GUCY1A1: variants seen among roughly 807,000 people sequenced by gnomAD.
GUCY1A1 encodes guanylate cyclase soluble subunit alpha-1.
A neutral mutation model predicts 64.5 loss-of-function variants in GUCY1A1; 48 were observed. The ratio of observed to expected loss-of-function variants is 0.74; its 90% CI spans 0.59 to 0.95. The LOEUF (loss-of-function observed/expected upper bound fraction) is 0.95, where lower values mean the gene tolerates loss of function less well. GUCY1A1 is among the 40% of genes least tolerant of loss of function. The pLI is 0.00. For missense variants in GUCY1A1, 804 were observed against 825.3 expected, an observed-to-expected ratio of 0.97 and a Z score of 0.32; for synonymous variants, 308 against 303.4, an observed-to-expected ratio of 1.02 and a Z score of -0.16.
At chr4:155,720,431 T>C (rs1056052276) in intron 8 of GUCY1A1, among the ~76,000 whole-genome samples, 4 of 152,070 alleles carry the variant, frequency 2.6e-5, no homozygotes, top group African/African-American at 9.7e-5. Flanking sequence ...AAGCCAGATA[T>C]ATAACAGACA....
At chr4:155,709,726 C>G (rs1248872674) in intron 5 of GUCY1A1, among the ~76,000 whole-genome samples, 3 of 151,974 alleles carry the variant, frequency 2.0e-5, no homozygotes, top group Non-Finnish European at 2.9e-5. Flanking sequence ...CCCAGCTACT[C>G]TGGAGGTGAG....
intron 2 of GUCY1A1, among the ~76,000 whole-genome samples, chr4:155,695,029 T>A (rs1227361377): frequency 6.6e-6 from 1 of 152,236 alleles, no homozygotes; most frequent in Non-Finnish European, 1.5e-5. Flanking sequence ...GAACAAATTT[T>A]CTACTCATAA....
intron 2 of GUCY1A1, among the ~76,000 whole-genome samples, chr4:155,689,632 C>T (rs1729474480): frequency 1.3e-5 from 2 of 152,126 alleles, no homozygotes; most frequent in South Asian, 2.1e-4. Context: ...CTGAATTTTG[C>T]TATTATTTCA....
Position 155,732,894 on chromosome 4 carries a change from T to A in GUCY1A1, c.*2663T>A, listed in dbSNP as rs1455073078. ...TGTGTCGAGTACACTATATAAATTA[T>A]CTCCTTATACATATTTCTCAGGCAA... On this transcript the variant is annotated 3_prime_UTR_variant, in exon 10 of 10. Coordinates refer to ENST00000506455, the MANE Select transcript of GUCY1A1 (RefSeq NM_001130682.3). Among the ~76,000 whole-genome samples, 1 of 151,840 alleles carries A rather than the reference T, an allele frequency of 6.6e-6. No individual in the cohort carries two copies. Among genetic ancestry groups the A allele is most frequent in the Non-Finnish European group, 1.5e-5 (1 of 67,872 alleles).
chr4:155,690,606 C>T (rs1289423964), intron 2 of GUCY1A1, among the ~76,000 whole-genome samples: 8 of 152,158 alleles, frequency 5.3e-5, no homozygotes, highest in Non-Finnish European at 1.0e-4. Flanking sequence ...TCATTCATGC[C>T]TTTGCTACAC....
At chr4:155,711,911 T>C (rs1034347744) in intron 6 of GUCY1A1, among the ~76,000 whole-genome samples, 1 of 152,186 alleles carries the variant, frequency 6.6e-6, no homozygotes, top group African/African-American at 2.4e-5. Flanking sequence ...TAATAAAATA[T>C]ATTGAGATGT....
intron 9 of GUCY1A1, among the ~76,000 whole-genome samples, chr4:155,726,743 G>A: frequency 6.6e-6 from 1 of 151,914 alleles, no homozygotes; most frequent in Non-Finnish European, 1.5e-5. Context: ...AACATTGTCA[G>A]GAGTTTTACT....
At chr4:155,683,575 A>T (rs1443589931) in intron 2 of GUCY1A1, among the ~76,000 whole-genome samples, 1 of 152,208 alleles carries the variant, frequency 6.6e-6, no homozygotes, top group Non-Finnish European at 1.5e-5. Flanking sequence ...GATAATGAGG[A>T]AAGTTATTTA....
At chr4:155,703,180 A>G (rs1052077127) in intron 3 of GUCY1A1, among the ~76,000 whole-genome samples, 3 of 152,198 alleles carry the variant, frequency 2.0e-5, no homozygotes. Context: ...AAAAGCTTAC[A>G]TACAAATGTC....
chr4:155,734,061 A>T lies in GUCY1A1; in HGVS notation c.*3830A>T, dbSNP rs141506286. 1.7e-3 allele frequency among the ~76,000 whole-genome samples: 258 copies of T among 151,988 alleles called. 5 individuals carry two copies. In the East Asian group the frequency reaches 0.043, roughly 25 times the overall value. ...GCATTTTGACTAACATTTCTTCCAA[A>T]TTTCTTCTCCCTGATATTTCCAGCC... On this transcript the variant is annotated 3_prime_UTR_variant, in exon 10 of 10. Transcript: ENST00000506455.
intron 2 of GUCY1A1, among the ~76,000 whole-genome samples, chr4:155,688,153 G>A (rs757223299): frequency 7.0e-4 from 106 of 151,978 alleles, no homozygotes; most frequent in South Asian, 2.5e-3. Context: ...GCGTGAACCC[G>A]GGAGGTGGAG....
rs1735390900 is a variant in GUCY1A1 at position 155,730,314 on chromosome 4, A to G, written c.*83A>G. 2 of 787,836 alleles carry G rather than the reference A, an allele frequency of 2.5e-6. No individual in the cohort carries two copies. Among genetic ancestry groups the G allele is most frequent in the Non-Finnish European group, 4.2e-6 (2 of 471,816 alleles). The allele number at this position is 787,836 out of a possible 1,614,324, so 48.8% of individuals were successfully genotyped here. The stretch of plus-strand genomic sequence containing the variant: ...CCTCTGAAAGCACTTTAGGGATTGT[A>G]GATGGCTAACAAGCAGTATTAAAAT... On this transcript the variant is annotated 3_prime_UTR_variant, in exon 10 of 10. Transcript: ENST00000506455.
chr4:155,701,160 T>C (rs1471699853), intron 3 of GUCY1A1, among the ~76,000 whole-genome samples: 2 of 152,146 alleles, frequency 1.3e-5, no homozygotes, highest in Admixed American at 1.3e-4. Flanking sequence ...AACATGTGAG[T>C]TCTGTCTCTT....
intron 2 of GUCY1A1, among the ~76,000 whole-genome samples, chr4:155,681,767 G>C (rs1196607595): frequency 6.6e-6 from 1 of 152,056 alleles, no homozygotes; most frequent in Non-Finnish European, 1.5e-5. Flanking sequence ...GTAGCCTCTT[G>C]ATCTTAAACA....
chr4:155,718,124 T>C (rs1345162992), intron 8 of GUCY1A1, among the ~76,000 whole-genome samples: 1 of 152,170 alleles, frequency 6.6e-6, no homozygotes, highest in Non-Finnish European at 1.5e-5. Flanking sequence ...ACAGATAGAA[T>C]ATAAGCAGAT....
chr4:155,691,885 A>G (rs1446346177), intron 2 of GUCY1A1, among the ~76,000 whole-genome samples: 1 of 152,096 alleles, frequency 6.6e-6, no homozygotes, highest in African/African-American at 2.4e-5. Context: ...AGATTATTTC[A>G]TCAGCCAGGT....
chr4:155,702,685 AT>A (rs535216938), intron 3 of GUCY1A1, among the ~76,000 whole-genome samples: 149 of 151,642 alleles, frequency 9.8e-4, no homozygotes, highest in Middle Eastern at 3.4e-3. Context: ...ATTCTCTTTA[AT>A]TTTTTTTCAG....
rs1730470001 is a variant in GUCY1A1 at position 155,696,824 on chromosome 4, G to A, written c.-44G>A. 7 of 1,591,894 alleles carry A rather than the reference G, an allele frequency of 4.4e-6. No homozygotes were observed. Among genetic ancestry groups the A allele is most frequent in the Non-Finnish European group, 6.0e-6 (7 of 1,162,332 alleles). On this transcript the variant is annotated 5_prime_UTR_variant, in exon 3 of 10. Transcript: ENST00000506455. The stretch of plus-strand genomic sequence containing the variant: ...TTGTCAGTCTCATATAAGAACTACA[G>A]CTCATCAGGAGGAGATCGCAGCAGG...
intron 2 of GUCY1A1, among the ~76,000 whole-genome samples, chr4:155,673,982 G>C (rs1428721295): frequency 6.6e-6 from 1 of 151,468 alleles, no homozygotes; most frequent in Non-Finnish European, 1.5e-5. Flanking sequence ...TGTGGAGAGA[G>C]GTACCATTTC....
Sources: allele counts gnomAD v4.1 joint callset (sites outside exome capture counted in the v4.1 genomes callset), GRCh38; gene constraint gnomAD v4.1.1; transcripts MANE v1.5; gene names NCBI Gene and HGNC (gene_info 2026-07-23, HGNC 2026-07-21).